The following PCSK2 variants were observed in gnomAD, a reference collection of about 807,000 sequenced individuals.
PCSK2 encodes the protein neuroendocrine convertase 2.
PCSK2 carries 14 observed loss-of-function variants against 69.7 expected under a neutral mutation model. The observed-to-expected ratio is 0.20, with a 90% confidence interval of 0.13 to 0.31. The LOEUF is 0.31. Ranked by LOEUF, PCSK2 falls within the 10% of genes least tolerant of loss-of-function variation. The pLI, the probability that PCSK2 is intolerant of heterozygous loss-of-function variation, is 1.00. For missense variants in PCSK2, 544 were observed against 842.5 expected (o/e 0.65, Z 4.39); for synonymous variants, 307 against 320.7 (o/e 0.96, Z 0.46).
At chr20:17,253,068 T>C (rs1198910097) in intron 1 of PCSK2, among the ~76,000 whole-genome samples, 1 of 152,212 alleles carries the variant, frequency 6.6e-6, no homozygotes, top group Non-Finnish European at 1.5e-5. Context: ...CTGAAGTATC[T>C]ATCAAAATGA....
At chr20:17,406,816 T>C (rs1330960597) in intron 5 of PCSK2, among the ~76,000 whole-genome samples, 1 of 152,164 alleles carries the variant, frequency 6.6e-6, no homozygotes, top group Admixed American at 6.5e-5. Context: ...AGAAACATGG[T>C]CTCAGTCCGC....
intron 2 of PCSK2, among the ~76,000 whole-genome samples, chr20:17,295,422 A>G (rs1390373030): frequency 6.6e-6 from 1 of 151,838 alleles, no homozygotes; most frequent in Non-Finnish European, 1.5e-5. Flanking sequence ...TGGGTCTCCT[A>G]TTTCAAGTTG....
chr20:17,287,562 A>AGGAG (rs1286926642), intron 2 of PCSK2, among the ~76,000 whole-genome samples: 1 of 152,130 alleles, frequency 6.6e-6, no homozygotes, highest in Non-Finnish European at 1.5e-5. Flanking sequence ...GCTCAAGCAT[A>AGGAG]GGAGCAAGTG....
intron 5 of PCSK2, among the ~76,000 whole-genome samples, chr20:17,374,851 C>T (rs2030877436): frequency 6.6e-6 from 1 of 152,058 alleles, no homozygotes; most frequent in Non-Finnish European, 1.5e-5. Flanking sequence ...AAAAATAGGG[C>T]CCTGCAGACA....
rs1404742032 is a variant in PCSK2 at position 17,286,402 on chromosome 20, G to C, written c.282+26058G>C. ...AGGAAGAATGTTAGAGATAAATGAA[G>C]AAATTAGGTGCAGCCTCTGTATGAC... On this transcript the variant is annotated intron_variant, in intron 2 of 11. Transcript: ENST00000262545. Among the ~76,000 whole-genome samples the C allele has an allele frequency of 2.6e-5, 4 of 152,332 alleles. No individual in the cohort carries two copies. The East Asian group carries it at 7.7e-4, about 29-fold the overall frequency.
intron 7 of PCSK2, among the ~76,000 whole-genome samples, chr20:17,433,785 TTCTCTCTC>T (rs369676259): frequency 7.4e-5 from 3 of 40,806 alleles, no homozygotes; most frequent in Non-Finnish European, 1.8e-4. Flanking sequence ...CTCCTTTGAT[TTCTCTCTC>T]TCTCTCTCTC....
chr20:17,420,977 T>C (rs2032112072), intron 6 of PCSK2, among the ~76,000 whole-genome samples: 1 of 152,150 alleles, frequency 6.6e-6, no homozygotes, highest in Non-Finnish European at 1.5e-5. Context: ...AAGTCAAAGA[T>C]TATTCAACGA....
chr20:17,369,125 T>C (rs532198587), intron 4 of PCSK2, 115 bp from the exon 5 acceptor site: 61 of 829,754 alleles, frequency 7.4e-5, no homozygotes, highest in Non-Finnish European at 9.8e-5. Flanking sequence ...CTCACCCCCA[T>C]GGCAAGCCTT....
At chr20:17,359,781 C>T (rs1213083359) in intron 3 of PCSK2, among the ~76,000 whole-genome samples, 2 of 150,904 alleles carry the variant, frequency 1.3e-5, no homozygotes, top group African/African-American at 4.8e-5. Flanking sequence ...TTTGCCAGTA[C>T]AAGCTCTGAC....
chr20:17,374,605 G>C (rs1385743260), intron 5 of PCSK2, among the ~76,000 whole-genome samples: 3 of 152,108 alleles, frequency 2.0e-5, no homozygotes, highest in Non-Finnish European at 4.4e-5. Flanking sequence ...TTTGAGAGGA[G>C]ATCCCAGGAA....
At chr20:17,376,419 C>A (rs183668126) in intron 5 of PCSK2, among the ~76,000 whole-genome samples, 93 of 152,314 alleles carry the variant, frequency 6.1e-4, no homozygotes, top group African/African-American at 2.2e-3. Flanking sequence ...CCATGCTAGA[C>A]CCCCTTCTCC....
chr20:17,272,433 C>T (rs1458472263), intron 2 of PCSK2, among the ~76,000 whole-genome samples: 1 of 152,024 alleles, frequency 6.6e-6, no homozygotes, highest in African/African-American at 2.4e-5. Context: ...ACTCATAATC[C>T]ATCCTTGAAG....
At chr20:17,403,907 A>G (rs183033820) in intron 5 of PCSK2, among the ~76,000 whole-genome samples, 2 of 152,374 alleles carry the variant, frequency 1.3e-5, no homozygotes, top group African/African-American at 4.8e-5. Context: ...CTTCGTGGAC[A>G]TGCTAGTAGG....
At chr20:17,270,859 C>A (rs1049362332) in intron 2 of PCSK2, among the ~76,000 whole-genome samples, 11 of 152,114 alleles carry the variant, frequency 7.2e-5, no homozygotes, top group Non-Finnish European at 1.5e-4. Context: ...CCAATACTTA[C>A]ACTGACACCA....
intron 2 of PCSK2, among the ~76,000 whole-genome samples, chr20:17,347,867 GA>G (rs1990705402): frequency 2.1e-5 from 1 of 46,904 alleles, no homozygotes; most frequent in Non-Finnish European, 4.1e-5. Flanking sequence ...AAAGAGGAGA[GA>G]GAAAAAAGAA....
chr20:17,348,695 C>A (rs1037548949), intron 2 of PCSK2, among the ~76,000 whole-genome samples: 5 of 152,188 alleles, frequency 3.3e-5, no homozygotes, highest in Admixed American at 6.5e-5. Context: ...GGACCTGTTC[C>A]AGGCTCTTTC....
chr20:17,431,274 G>A (rs962729899), intron 7 of PCSK2, among the ~76,000 whole-genome samples: 1 of 152,192 alleles, frequency 6.6e-6, no homozygotes, highest in African/African-American at 2.4e-5. Flanking sequence ...TGAGGAGGCT[G>A]CGGCATTAAT....
At chr20:17,468,289 C>T (rs1483653235) in intron 11 of PCSK2, among the ~76,000 whole-genome samples, 3 of 142,210 alleles carry the variant, frequency 2.1e-5, no homozygotes, top group African/African-American at 7.6e-5. Context: ...CATCATTCCA[C>T]AGGCCAGCAT....
intron 1 of PCSK2, among the ~76,000 whole-genome samples, chr20:17,239,252 T>A (rs1298051790): frequency 1.3e-5 from 2 of 152,188 alleles, no homozygotes; most frequent in African/African-American, 4.8e-5. Context: ...ACCAATTCTC[T>A]TCAGTGATGA....
Sources: gnomAD v4.1 joint callset for allele counts (sites outside exome capture counted in the v4.1 genomes callset) on GRCh38, gnomAD v4.1.1 for gene constraint, MANE v1.5 for transcripts, NCBI Gene and HGNC (gene_info 2026-07-23, HGNC 2026-07-21) for gene names.